Variants in CNTN5 observed in about 807,000 individuals in gnomAD.
CNTN5 encodes the protein contactin-5.
CNTN5 carries 77 observed loss-of-function variants against 129.1 expected under a neutral mutation model. That is an observed-to-expected ratio of 0.60 (90% CI 0.50 to 0.72). The LOEUF (loss-of-function observed/expected upper bound fraction) is 0.72, where lower values mean the gene tolerates loss of function less well. Ranked by LOEUF, CNTN5 falls within the 30% of genes least tolerant of loss-of-function variation. The pLI, the probability that CNTN5 is intolerant of heterozygous loss-of-function variation, is 0.00. For synonymous variants in CNTN5, 509 were observed against 465.6 expected, an observed-to-expected ratio of 1.09 and a Z score of -1.20; for missense variants, 1,478 against 1,328.8, an observed-to-expected ratio of 1.11 and a Z score of -1.75.
At chr11:99,719,084 C>T (rs545626990) in intron 3 of CNTN5, among the ~76,000 whole-genome samples, 111 of 151,972 alleles carry the variant, frequency 7.3e-4, no homozygotes, top group African/African-American at 2.0e-3. Flanking sequence ...TTTGGGAGGC[C>T]GAAGCAGGTG....
intron 3 of CNTN5, among the ~76,000 whole-genome samples, chr11:99,625,447 G>T (rs1299002739): frequency 6.6e-6 from 1 of 152,052 alleles, no homozygotes; most frequent in East Asian, 1.9e-4. Context: ...ACTAATACTG[G>T]TTATTTCCTA....
intron 1 of CNTN5, among the ~76,000 whole-genome samples, chr11:99,138,260 T>G (rs116374781): frequency 6.6e-6 from 1 of 152,164 alleles, no homozygotes; most frequent in African/African-American, 2.4e-5. Flanking sequence ...ATTTAACAGC[T>G]TTAGATTTTT....
At chr11:100,059,865 C>T (rs572185220) in intron 9 of CNTN5, among the ~76,000 whole-genome samples, 2 of 152,046 alleles carry the variant, frequency 1.3e-5, no homozygotes, top group South Asian at 4.2e-4. Flanking sequence ...TAGAATAGTA[C>T]GTGAAATATG....
chr11:99,504,544 A>G lies in CNTN5; in HGVS notation c.-70-51601A>G, dbSNP rs555781173. Among the ~76,000 whole-genome samples, 10 of 151,852 alleles carry G rather than the reference A, an allele frequency of 6.6e-5. No individual in the cohort carries two copies. The East Asian group carries it at 7.7e-4, about 12-fold the overall frequency. ...GACTCCGTCTCAAAAAAAAAAAAAA[A>G]AAAGAAAGAAAAGAAATTAAAATAT... is the stretch of plus-strand genomic sequence containing the variant. On this transcript the variant is annotated intron_variant, in intron 2 of 24. Coordinates refer to ENST00000524871, the MANE Select transcript of CNTN5 (RefSeq NM_014361.4).
intron 1 of CNTN5, among the ~76,000 whole-genome samples, chr11:99,289,755 T>A (rs1864090597): frequency 6.6e-6 from 1 of 151,918 alleles, no homozygotes; most frequent in East Asian, 1.9e-4. Context: ...GTAAAATATT[T>A]ATTTTTATAT....
intron 2 of CNTN5, among the ~76,000 whole-genome samples, chr11:99,369,225 T>TAATATAACATATAATATATATTATATATA (rs1939674943): frequency 1.4e-5 from 2 of 146,206 alleles, no homozygotes; most frequent in African/African-American, 5.0e-5. Context: ...ATAATATATA[T>TAATATAACATATAATATATATTATATATA]ATATGTATTT....
chr11:99,578,185 T>C (rs1282484611), intron 3 of CNTN5, among the ~76,000 whole-genome samples: 1 of 152,070 alleles, frequency 6.6e-6, no homozygotes, highest in Non-Finnish European at 1.5e-5. Flanking sequence ...TGCATAGTAT[T>C]CCATGGTGTA....
chr11:99,756,882 T>C (rs1837767), intron 3 of CNTN5, among the ~76,000 whole-genome samples: 1,778 of 149,886 alleles, frequency 0.012, 38 homozygotes, highest in African/African-American at 0.041. Context: ...AAACTTAATA[T>C]AGCCAGAAGT....
chr11:99,494,748 T>G (rs1280471736), intron 2 of CNTN5, among the ~76,000 whole-genome samples: 4 of 152,162 alleles, frequency 2.6e-5, no homozygotes, highest in Non-Finnish European at 5.9e-5. Flanking sequence ...GCCCTCATTT[T>G]TAGCTCCAAG....
At chr11:99,460,964 G>A (rs1328715839) in intron 2 of CNTN5, among the ~76,000 whole-genome samples, 1 of 151,912 alleles carries the variant, frequency 6.6e-6, no homozygotes, top group Non-Finnish European at 1.5e-5. Context: ...ATTTGTAAAG[G>A]CCAAAAATTG....
chr11:99,034,386 A>C (rs1029565346), intron 1 of CNTN5, among the ~76,000 whole-genome samples: 3 of 151,614 alleles, frequency 2.0e-5, no homozygotes, highest in African/African-American at 7.3e-5. Flanking sequence ...TCGGCTGTGA[A>C]TCCATCTGGT....
intron 3 of CNTN5, among the ~76,000 whole-genome samples, chr11:99,724,864 A>G (rs887094438): frequency 6.6e-6 from 1 of 152,170 alleles, no homozygotes; most frequent in Non-Finnish European, 1.5e-5. Context: ...GCTGTTATAT[A>G]TGTTGCCTAT....
rs543292249 is a variant in CNTN5, at chr11:99,359,239, G to A, written c.-71+33755G>A. 3.9e-5 allele frequency among the ~76,000 whole-genome samples: 6 copies of A among 152,010 alleles called. No homozygotes were observed. The South Asian group carries it at 1.3e-3, about 32-fold the overall frequency. On this transcript the variant is annotated intron_variant, in intron 2 of 24. Transcript: ENST00000524871. Reference sequence around the variant, plus strand: ...TCATAAACTTTTTAAAACTGTAAACGGCAGTACAACCAACTCTATATGTCC... The same window carrying A: ...TCATAAACTTTTTAAAACTGTAAACAGCAGTACAACCAACTCTATATGTCC...
chr11:99,816,367 A>G (rs565375343), intron 3 of CNTN5, among the ~76,000 whole-genome samples: 92 of 152,246 alleles, frequency 6.0e-4, no homozygotes, highest in African/African-American at 2.1e-3. Context: ...TCTCTGACGA[A>G]CCTGCGTCTT....
At chr11:99,277,313 T>G (rs556680713) in intron 1 of CNTN5, among the ~76,000 whole-genome samples, 2 of 151,742 alleles carry the variant, frequency 1.3e-5, no homozygotes, top group Non-Finnish European at 1.5e-5. Context: ...TCCCCAGCAG[T>G]TGAATACTAA....
At chr11:99,674,412 C>G (rs1004825682) in intron 3 of CNTN5, among the ~76,000 whole-genome samples, 2 of 152,038 alleles carry the variant, frequency 1.3e-5, no homozygotes, top group African/African-American at 2.4e-5. Flanking sequence ...TGCCTGTTCA[C>G]TCTGTTGATA....
chr11:99,171,698 A>T (rs1442441121), intron 1 of CNTN5, among the ~76,000 whole-genome samples: 1 of 152,172 alleles, frequency 6.6e-6, no homozygotes, highest in Non-Finnish European at 1.5e-5. Context: ...TTAAGAAAAA[A>T]ACTCTTCGTG....
intron 10 of CNTN5, among the ~76,000 whole-genome samples, chr11:100,067,289 C>T (rs906739754): frequency 6.6e-6 from 1 of 151,918 alleles, no homozygotes; most frequent in East Asian, 1.9e-4. Flanking sequence ...ACCCAAATTC[C>T]ACTTGTGTGT....
At chr11:99,404,564 T>A (rs1941987601) in intron 2 of CNTN5, among the ~76,000 whole-genome samples, 1 of 152,140 alleles carries the variant, frequency 6.6e-6, no homozygotes, top group South Asian at 2.1e-4. Flanking sequence ...TCAAACACTA[T>A]CTTATAACCC....
Sources: allele counts gnomAD v4.1 joint callset (sites outside exome capture counted in the v4.1 genomes callset), GRCh38; gene constraint gnomAD v4.1.1; transcripts MANE v1.5; gene names NCBI Gene and HGNC (gene_info 2026-07-23, HGNC 2026-07-21).